The following SCUBE1 variants were observed in gnomAD, a reference collection of about 807,000 sequenced individuals.
SCUBE1 encodes the protein signal peptide, CUB and EGF-like domain-containing protein 1.
SCUBE1 carries 59 observed loss-of-function variants against 124.4 expected under a neutral mutation model. That is an observed-to-expected ratio of 0.47 (90% CI 0.38 to 0.59). The LOEUF is 0.59. SCUBE1 is among the 20% of genes least tolerant of loss of function. The pLI is 0.00. For missense variants in SCUBE1, 1,150 were observed against 1,371.2 expected, an observed-to-expected ratio of 0.84 and a Z score of 2.55; for synonymous variants, 545 against 550.9, an observed-to-expected ratio of 0.99 and a Z score of 0.15.
At chr22:43,256,301 G>T (rs779626909) in intron 6 of SCUBE1, among the ~76,000 whole-genome samples, 8 of 152,234 alleles carry the variant, frequency 5.3e-5, no homozygotes, top group Non-Finnish European at 8.8e-5. Flanking sequence ...ATGCAGAGGA[G>T]AAGTGGCCCC....
chr22:43,306,854 G>A (rs1925986870), intron 3 of SCUBE1, among the ~76,000 whole-genome samples: 1 of 152,210 alleles, frequency 6.6e-6, no homozygotes. Context: ...GAAGGAGCCA[G>A]GCACGGAGAA....
chr22:43,245,986 C>G (rs1923195359), intron 6 of SCUBE1, among the ~76,000 whole-genome samples: 1 of 152,144 alleles, frequency 6.6e-6, no homozygotes, highest in South Asian at 2.1e-4. Flanking sequence ...GGACGGTGCC[C>G]TGCAGGACTG....
At chr22:43,261,970 GT>G (rs1488573238) in intron 5 of SCUBE1, among the ~76,000 whole-genome samples, 1 of 152,112 alleles carries the variant, frequency 6.6e-6, no homozygotes, top group Non-Finnish European at 1.5e-5. Context: ...GTTCTACTTG[GT>G]TTCCTGGCTC....
chr22:43,279,455 T>C (rs1383959596), intron 4 of SCUBE1, among the ~76,000 whole-genome samples: 4 of 152,254 alleles, frequency 2.6e-5, no homozygotes, highest in African/African-American at 9.6e-5. Context: ...ACGGTCTGCA[T>C]GATTGTGTCC....
chr22:43,290,192 T>C lies in SCUBE1; in HGVS notation c.484+854A>G, dbSNP rs921319067. Among the ~76,000 whole-genome samples, 6 of 152,184 alleles carry C rather than the reference T, an allele frequency of 3.9e-5. No homozygotes were observed. The East Asian group carries it at 1.2e-3, about 29-fold the overall frequency. On this transcript the variant is annotated intron_variant, in intron 4 of 21. Coordinates refer to ENST00000360835, the MANE Select transcript of SCUBE1 (RefSeq NM_173050.5). ...AAGAGATGTGCCTCCGCAAAAGCTGTTCTCTGCCTGGAAGCCCCTCTCCTC... is the reference window on the plus strand; with the variant it reads ...AAGAGATGTGCCTCCGCAAAAGCTGCTCTCTGCCTGGAAGCCCCTCTCCTC...
chr22:43,226,919 G>A (rs1922341308), intron 10 of SCUBE1, among the ~76,000 whole-genome samples: 1 of 152,112 alleles, frequency 6.6e-6, no homozygotes, highest in African/African-American at 2.4e-5. Flanking sequence ...CACATCCCCT[G>A]CAACTGTGCC....
At chr22:43,292,597 T>C (rs866615109) in intron 3 of SCUBE1, among the ~76,000 whole-genome samples, 6 of 41,902 alleles carry the variant, frequency 1.4e-4, no homozygotes. Context: ...ACACACACAC[T>C]CTTCGGTGTT....
At chr22:43,283,564 T>C (rs1300847343) in intron 4 of SCUBE1, 1 of 152,230 alleles carries the variant, frequency 6.6e-6, no homozygotes, top group African/African-American at 2.4e-5. Context: ...TTCTCACAAG[T>C]GTACTGATTT....
At chr22:43,303,794 C>T (rs912955388) in intron 3 of SCUBE1, among the ~76,000 whole-genome samples, 6 of 152,250 alleles carry the variant, frequency 3.9e-5, no homozygotes, top group South Asian at 2.1e-4. Context: ...AGCTGATCAA[C>T]AATCCTACAG....
Position 43,234,407 on chromosome 22 carries a change from C to A in SCUBE1, c.845-2532G>T, listed in dbSNP as rs1601817007. On this transcript the variant is annotated intron_variant, in intron 7 of 21. Coordinates refer to ENST00000360835, the MANE Select transcript of SCUBE1 (RefSeq NM_173050.5). The surrounding 1 kb of genome is among the most constrained non-coding windows in gnomAD (Gnocchi z 4.4). ...CAGACAGGGGCAGCACGTGATCATT[C>A]TCACCACTCCTGCCTCCTCAGTGGA... Among the ~76,000 whole-genome samples, 2 of 152,316 alleles carry A rather than the reference C, an allele frequency of 1.3e-5. No homozygotes were observed. The highest frequency in any genetic ancestry group is 4.1e-4 in the South Asian group (2 of 4,830).
intron 6 of SCUBE1, among the ~76,000 whole-genome samples, chr22:43,241,600 G>C (rs1020251548): frequency 2.0e-5 from 3 of 152,108 alleles, no homozygotes; most frequent in Admixed American, 6.5e-5. Flanking sequence ...CCTGTCTGCA[G>C]GAATGCTACT....
chr22:43,280,353 G>A (rs1214471882), intron 4 of SCUBE1, among the ~76,000 whole-genome samples: 1 of 151,030 alleles, frequency 6.6e-6, no homozygotes, highest in African/African-American at 2.4e-5. Flanking sequence ...GCTCTGCCGA[G>A]AGTCAGCTCA....
At chr22:43,260,848 C>A (rs1427569113) in intron 5 of SCUBE1, among the ~76,000 whole-genome samples, 1 of 152,200 alleles carries the variant, frequency 6.6e-6, no homozygotes, top group Non-Finnish European at 1.5e-5. Context: ...TAGCTGCTCA[C>A]AGGGCCCTGC....
chr22:43,333,056 C>T (rs1023063596), intron 2 of SCUBE1, among the ~76,000 whole-genome samples: 4 of 152,114 alleles, frequency 2.6e-5, no homozygotes, highest in Non-Finnish European at 5.9e-5. Context: ...CAGGAGGAGA[C>T]GTGGGAAAAC....
At position 43,214,133 on chromosome 22, in the gene SCUBE1, G is replaced by A. The variant is rs781435451; in HGVS notation, c.2010C>T (p.Asp670=). The A allele has an allele frequency of 1.6e-4, 230 of 1,433,888 alleles. 1 individual carries two copies. Among genetic ancestry groups the A allele is most frequent in the Non-Finnish European group, 2.0e-4 (214 of 1,069,594 alleles). 88.8% of individuals were successfully genotyped at this position (1,433,888 alleles called of 1,614,324 possible). Residue 670 remains aspartate, a synonymous_variant, in exon 16 of 22, where the codon GAC becomes GAT. Transcript: ENST00000360835. ...TGCGGGCACCAGGCAGACCAAGCCC[G>A]TCGCTGCTGGGGCACGGTGTGCAAC... ...QLSCTPCPSS[D]GLGLPGARNV... is the part of the protein sequence containing the mutation.
At chr22:43,261,290 C>G (rs373947538) in intron 5 of SCUBE1, among the ~76,000 whole-genome samples, 8 of 152,342 alleles carry the variant, frequency 5.3e-5, no homozygotes, top group African/African-American at 1.9e-4. Context: ...CTGGCACTTC[C>G]AATCGAGACT....
Position 43,343,298 on chromosome 22 carries a change from G to GGCGTGCGT in SCUBE1, c.-38_-37insACGCACGC. The GGCGTGCGT allele has an allele frequency of 9.6e-7, 1 of 1,042,486 alleles. No homozygotes were observed. The highest frequency in any genetic ancestry group is 1.2e-6 in the Non-Finnish European group (1 of 858,424). 64.6% of individuals were successfully genotyped at this position (1,042,486 alleles called of 1,614,324 possible). A position where few individuals can be genotyped will look rare whatever the true frequency, so the allele number is the denominator to read the frequency against. Reference sequence around the variant, plus strand: ...GCCCCGCTGGGCGTGCGGGCGTGCGGGGCGCGGGGACCCGACCGACCGGCC... The same window carrying GGCGTGCGT: ...GCCCCGCTGGGCGTGCGGGCGTGCGGGCGTGCGTGGCGCGGGGACCCGACCGACCGGCC... On this transcript the variant is annotated 5_prime_UTR_variant, in exon 1 of 22. Transcript: ENST00000360835.
Position 43,343,312 on chromosome 22 carries a change from G to T in SCUBE1, c.-51C>A. 3.2e-6 allele frequency: 3 copies of T among 938,448 alleles called. No homozygotes were observed. The highest frequency in any genetic ancestry group is 1.0e-4 in the South Asian group (2 of 20,074). The allele number at this position is 938,448 out of a possible 1,614,324, so 58.1% of individuals were successfully genotyped here. A position where few individuals can be genotyped will look rare whatever the true frequency, so the allele number is the denominator to read the frequency against. On this transcript the variant is annotated 5_prime_UTR_variant, in exon 1 of 22. Coordinates refer to ENST00000360835, the MANE Select transcript of SCUBE1 (RefSeq NM_173050.5). The stretch of plus-strand genomic sequence containing the variant: ...GCGGGCGTGCGGGGCGCGGGGACCC[G>T]ACCGACCGGCCGCTCCCGCAGGCGC...
intron 6 of SCUBE1, 87 bp from the exon 7 acceptor site, chr22:43,239,041 A>C: frequency 9.5e-7 from 1 of 1,054,096 alleles, no homozygotes; most frequent in Non-Finnish European, 1.4e-6. Flanking sequence ...TCTATGAGAC[A>C]GGAGACGAGA....
Sources: allele counts gnomAD v4.1 joint callset (sites outside exome capture counted in the v4.1 genomes callset), GRCh38; gene constraint gnomAD v4.1.1; non-coding constraint Gnocchi (gnomAD v3.1); transcripts MANE v1.5; gene names NCBI Gene and HGNC (gene_info 2026-07-23, HGNC 2026-07-21).